The following CCNH variants were observed in gnomAD, a reference collection of about 807,000 sequenced individuals.
CCNH encodes the protein cyclin H.
In CCNH, 31 loss-of-function variants were observed where a neutral mutation model predicts 41.9. The observed-to-expected ratio is 0.74, with a 90% CI of 0.56 to 1.00. The LOEUF (loss-of-function observed/expected upper bound fraction) is 1.00. CCNH is among the 50% of genes least tolerant of loss of function. The pLI is 0.00. For missense variants in CCNH, 362 were observed against 388.4 expected, an observed-to-expected ratio of 0.93 and a Z score of 0.57; for synonymous variants, 138 against 136.1, an observed-to-expected ratio of 1.01 and a Z score of -0.10.
intron 9 of CCNH, among the ~76,000 whole-genome samples, chr5:87,320,919 G>A (rs969425338): frequency 3.1e-4 from 47 of 152,350 alleles, no homozygotes; most frequent in African/African-American, 1.1e-3. Flanking sequence ...TAGAAGGGAG[G>A]CTGGAGCCTT....
intron 9 of CCNH, among the ~76,000 whole-genome samples, chr5:87,327,036 T>C (rs1316553377): frequency 3.3e-5 from 5 of 152,232 alleles, no homozygotes; most frequent in African/African-American, 1.2e-4. Flanking sequence ...CAGTCCCATA[T>C]CCTTTGAGTA....
chr5:87,397,996 T>C (rs752454638), intron 7 of CCNH, among the ~76,000 whole-genome samples: 1 of 152,228 alleles, frequency 6.6e-6, no homozygotes, highest in Non-Finnish European at 1.5e-5. Context: ...AGGTAACAGT[T>C]TGCCAACCCC....
Position 87,335,236 on chromosome 5 carries a change from TGAA to T in CCNH, c.*91-16342_*91-16340del, listed in dbSNP as rs1178751962. 5.9e-5 allele frequency among the ~76,000 whole-genome samples: 9 copies of T among 152,240 alleles called. No homozygotes were observed. In the East Asian group the frequency reaches 1.2e-3, roughly 20 times the overall value. ...ACTTGAGAGAATGTTTGACATTTTT[TGAA>T]GAAGAACAGAGTGAGTCTATTATTT... On this transcript the variant is annotated intron_variant and NMD_transcript_variant, in intron 9 of 9. Coordinates refer to the CCNH transcript ENST00000645953.
chr5:87,407,181 G>A (rs1038555663), intron 4 of CCNH, among the ~76,000 whole-genome samples: 5 of 152,076 alleles, frequency 3.3e-5, no homozygotes, highest in Non-Finnish European at 5.9e-5. Flanking sequence ...TAAATGATAC[G>A]TTCTCAGAAT....
At chr5:87,408,473 T>C (rs756279728) in intron 3 of CCNH, among the ~76,000 whole-genome samples, 2 of 152,056 alleles carry the variant, frequency 1.3e-5, no homozygotes, top group Non-Finnish European at 2.9e-5. Context: ...AACCTAAATA[T>C]CTGGAAAAAC....
intron 9 of CCNH, among the ~76,000 whole-genome samples, chr5:87,348,981 T>G (rs933196934): frequency 6.6e-6 from 1 of 151,916 alleles, no homozygotes; most frequent in African/African-American, 2.4e-5. Context: ...CTGCTCTCTA[T>G]TTTTATGTAT....
chr5:87,371,490 C>T (rs1446472431), downstream of CCNH, among the ~76,000 whole-genome samples: 8 of 152,070 alleles, frequency 5.3e-5, no homozygotes, highest in Non-Finnish European at 1.2e-4. Context: ...CTCTCCTTTT[C>T]CCCAAAGCAC....
At chr5:87,352,318 A>G (rs886699394) in intron 9 of CCNH, among the ~76,000 whole-genome samples, 1 of 151,396 alleles carries the variant, frequency 6.6e-6, no homozygotes, top group South Asian at 2.1e-4. Flanking sequence ...ACACACACAC[A>G]TATATATTCT....
In CCNH at chr5:87,376,427, A is replaced by G. The variant is rs1761331187; in HGVS notation, n.754T>C. 1.6e-5 allele frequency: 26 copies of G among 1,614,040 alleles called. No homozygotes were observed. The highest frequency in any genetic ancestry group is 2.0e-5 in the Non-Finnish European group (24 of 1,179,976). ...GCTGCCAGTTGAGCCGATTACAGAA[A>G]GGGCATGCCACAGATGAATGGTTTC... On this transcript the variant is annotated non_coding_transcript_exon_variant, in exon 1 of 1. Coordinates refer to the CCNH transcript ENST00000607486.
intron 9 of CCNH, chr5:87,346,552 GATTA>G (rs1758874468): frequency 1.8e-6 from 1 of 560,224 alleles, no homozygotes; most frequent in Non-Finnish European, 3.2e-6. Flanking sequence ...GAGATGATTT[GATTA>G]ATTGCATTTA....
At chr5:87,316,379 A>G (rs1471075201), downstream of CCNH, among the ~76,000 whole-genome samples, 2 of 152,252 alleles carry the variant, frequency 1.3e-5, no homozygotes, top group Non-Finnish European at 2.9e-5. Context: ...AAAAGACAGT[A>G]ATGGATAGCT....
At chr5:87,314,422 G>T (rs1200702851), downstream of CCNH, among the ~76,000 whole-genome samples, 2 of 152,124 alleles carry the variant, frequency 1.3e-5, no homozygotes, top group Non-Finnish European at 2.9e-5. Context: ...TGAAAAATCT[G>T]TTGTAGGAAT....
intron 6 of CCNH, among the ~76,000 whole-genome samples, chr5:87,399,830 T>G (rs1313260732): frequency 6.6e-6 from 1 of 152,164 alleles, no homozygotes; most frequent in Non-Finnish European, 1.5e-5. Flanking sequence ...AATCCCTAAA[T>G]GATTTAGTGA....
downstream of CCNH, chr5:87,374,337 C>G: frequency 1.3e-6 from 2 of 1,590,200 alleles, no homozygotes; most frequent in Non-Finnish European, 1.7e-6. Context: ...CTTATTTTAT[C>G]ATTACATTAA....
At chr5:87,335,021 T>C (rs1384112535) in intron 9 of CCNH, among the ~76,000 whole-genome samples, 1 of 152,138 alleles carries the variant, frequency 6.6e-6, no homozygotes, top group African/African-American at 2.4e-5. Context: ...CAGCTGGAAT[T>C]ACAGGCGTGT....
intron 7 of CCNH, among the ~76,000 whole-genome samples, chr5:87,396,404 G>A (rs1199638041): frequency 1.3e-5 from 2 of 152,060 alleles, no homozygotes; most frequent in African/African-American, 2.4e-5. Flanking sequence ...GGCGGATCAC[G>A]ACGTCAGGAG....
upstream of CCNH, chr5:87,380,512 A>G (rs1761635303): frequency 6.2e-7 from 1 of 1,611,722 alleles, no homozygotes; most frequent in Non-Finnish European, 8.5e-7. Flanking sequence ...TTGGCAGGAC[A>G]TTGAGATATA....
At chr5:87,354,893 T>A (rs893828215) in intron 9 of CCNH, among the ~76,000 whole-genome samples, 3 of 152,142 alleles carry the variant, frequency 2.0e-5, no homozygotes, top group Non-Finnish European at 4.4e-5. Flanking sequence ...GGATTGAAGA[T>A]TAAACCAGGG....
rs1250379207 is a variant in CCNH, at chr5:87,409,360, T to C, written c.244A>G (p.Thr82Ala). 2 of 1,547,012 alleles carry C rather than the reference T, an allele frequency of 1.3e-6. No homozygotes were observed. Among genetic ancestry groups the C allele is most frequent in the African/African-American group, 1.4e-5 (1 of 73,544 alleles). Reference protein sequence around the residue: ...KPAMPRSVVGTACMYFKRFYL... With the variant: ...KPAMPRSVVGAACMYFKRFYL... ...AAACGTTTGAAATACATACAAGCCG[T>C]ACCCTAAGGGTTAAAAAAAATATAT... Residue 82 changes from threonine to alanine, a missense_variant, in exon 3 of 9, where the codon ACG becomes GCG. Coordinates refer to ENST00000256897, the MANE Select transcript of CCNH (RefSeq NM_001239.4).
Sources: allele counts gnomAD v4.1 joint callset (sites outside exome capture counted in the v4.1 genomes callset), GRCh38; gene constraint gnomAD v4.1.1; transcripts MANE v1.5; gene names NCBI Gene and HGNC (gene_info 2026-07-23, HGNC 2026-07-21).